CDK6: variants seen among roughly 807,000 people sequenced by gnomAD.
The protein encoded by CDK6 is cyclin dependent kinase 6.
CDK6 carries 6 observed loss-of-function variants against 37.1 expected under a neutral mutation model. That is an observed-to-expected ratio of 0.16 (90% CI 0.09 to 0.32). CDK6 has a LOEUF of 0.32. CDK6 is among the 10% of genes least tolerant of loss of function. The pLI, the probability that CDK6 is intolerant of heterozygous loss-of-function variation, is 1.00. For missense variants in CDK6, 224 were observed against 418.9 expected, an observed-to-expected ratio of 0.53 and a Z score of 4.06; for synonymous variants, 160 against 161.3, an observed-to-expected ratio of 0.99 and a Z score of 0.06.
At chr7:92,677,493 C>T (rs954653068) in intron 4 of CDK6, among the ~76,000 whole-genome samples, 3 of 152,086 alleles carry the variant, frequency 2.0e-5, no homozygotes, top group East Asian at 1.9e-4. Context: ...GTGGCACACG[C>T]CTGTAATCCC....
chr7:92,751,302 G>A (rs186934090), intron 3 of CDK6, among the ~76,000 whole-genome samples: 2 of 152,046 alleles, frequency 1.3e-5, no homozygotes, highest in African/African-American at 2.4e-5. Context: ...GATTATTGCT[G>A]ATATTTTAAG....
At chr7:92,680,435 GAAAA>G (rs778849907) in intron 4 of CDK6, among the ~76,000 whole-genome samples, 98 of 27,898 alleles carry the variant, frequency 3.5e-3, no homozygotes, top group African/African-American at 0.011. Flanking sequence ...TTCCATCTCA[GAAAA>G]AAAAAAAAAA....
chr7:92,738,044 C>G (rs541070550), intron 3 of CDK6, among the ~76,000 whole-genome samples: 25 of 152,250 alleles, frequency 1.6e-4, no homozygotes, highest in Admixed American at 1.3e-3. Context: ...GGTGGGACTT[C>G]AACATTTTTT....
At chr7:92,814,524 C>G (rs1035176195) in intron 2 of CDK6, among the ~76,000 whole-genome samples, 12 of 142,578 alleles carry the variant, frequency 8.4e-5, no homozygotes, top group African/African-American at 3.2e-4. Context: ...TGCAGCCCTT[C>G]TGCTCCCAAC....
rs1562962888 is a variant in CDK6, at chr7:92,778,941, ATATAT to A, written c.234-4115_234-4111del. Among the ~76,000 whole-genome samples the A allele has an allele frequency of 1.2e-4, 18 of 144,402 alleles. 1 individual carries two copies. Among genetic ancestry groups the A allele is most frequent in the African/African-American group, 4.2e-4 (16 of 38,220 alleles). 94.7% of individuals were successfully genotyped at this position (144,402 alleles called of 152,430 possible). On this transcript the variant is annotated intron_variant, in intron 2 of 7. Coordinates refer to ENST00000424848, the MANE Select transcript of CDK6 (RefSeq NM_001145306.2). ...TAGTTTATCATATATATATATATAT[ATATAT>A]AAGATATTATAGTAATTTCCAAAAG...
intron 4 of CDK6, among the ~76,000 whole-genome samples, chr7:92,719,186 A>G (rs145230141): frequency 2.0e-3 from 303 of 152,310 alleles, no homozygotes; most frequent in African/African-American, 6.9e-3. Flanking sequence ...GGTTTGTTAC[A>G]TAGGTAAACG....
chr7:92,690,431 G>A (rs1219030891), intron 4 of CDK6, among the ~76,000 whole-genome samples: 1 of 152,046 alleles, frequency 6.6e-6, no homozygotes, highest in African/African-American at 2.4e-5. Flanking sequence ...ACAGTTGTAG[G>A]TGTGCGGTTT....
chr7:92,712,705 A>T (rs899418061), intron 4 of CDK6, among the ~76,000 whole-genome samples: 7 of 152,228 alleles, frequency 4.6e-5, no homozygotes. Flanking sequence ...CTTTAAATGG[A>T]CTATTCAATC....
chr7:92,767,849 T>C (rs1200572729), intron 3 of CDK6, among the ~76,000 whole-genome samples: 3 of 152,162 alleles, frequency 2.0e-5, no homozygotes, highest in African/African-American at 7.2e-5. Flanking sequence ...TAAAAGCTCG[T>C]CTTCCACAGA....
intron 3 of CDK6, among the ~76,000 whole-genome samples, chr7:92,747,460 C>A (rs982716702): frequency 6.6e-5 from 10 of 152,180 alleles, no homozygotes; most frequent in Non-Finnish European, 1.2e-4. Flanking sequence ...ATCAAGTCCA[C>A]TTCTCTCCTG....
chr7:92,697,749 G>A (rs954762348), intron 4 of CDK6, among the ~76,000 whole-genome samples: 4 of 152,222 alleles, frequency 2.6e-5, no homozygotes, highest in Non-Finnish European at 5.9e-5. Context: ...GCTGTGTTCA[G>A]TTGGAGATTT....
intron 3 of CDK6, among the ~76,000 whole-genome samples, chr7:92,750,301 G>A (rs1037902768): frequency 1.3e-4 from 20 of 152,048 alleles, no homozygotes; most frequent in African/African-American, 4.6e-4. Flanking sequence ...CATAAAGTGG[G>A]GAGAGGCTGG....
chr7:92,803,532 C>T (rs1306956861), intron 2 of CDK6, among the ~76,000 whole-genome samples: 1 of 152,112 alleles, frequency 6.6e-6, no homozygotes, highest in Non-Finnish European at 1.5e-5. Context: ...AAGCAGGCTC[C>T]GTTTGAGAGC....
At chr7:92,700,910 G>A (rs1419170982) in intron 4 of CDK6, among the ~76,000 whole-genome samples, 1 of 152,250 alleles carries the variant, frequency 6.6e-6, no homozygotes, top group African/African-American at 2.4e-5. Context: ...ATCCACTGCG[G>A]TAACATGATG....
At chr7:92,656,551 A>G (rs1211551292) in intron 5 of CDK6, among the ~76,000 whole-genome samples, 3 of 152,240 alleles carry the variant, frequency 2.0e-5, no homozygotes, top group Admixed American at 6.5e-5. Flanking sequence ...GTTATTTACT[A>G]TATTTATTAT....
chr7:92,819,856 C>T (rs1164862036), intron 2 of CDK6, among the ~76,000 whole-genome samples: 5 of 151,096 alleles, frequency 3.3e-5, no homozygotes, highest in African/African-American at 1.2e-4. Context: ...AAAGCAAAAA[C>T]CAGAGAAAAG....
At chr7:92,723,910 C>CAA (rs576591781) in intron 4 of CDK6, among the ~76,000 whole-genome samples, 6,887 of 83,662 alleles carry the variant, frequency 0.082, 517 homozygotes, top group African/African-American at 0.22. Flanking sequence ...ATTTAATAAG[C>CAA]AAAAAAAAAA....
At chr7:92,719,540 AG>A (rs1798316416) in intron 4 of CDK6, among the ~76,000 whole-genome samples, 1 of 152,212 alleles carries the variant, frequency 6.6e-6, no homozygotes, top group Non-Finnish European at 1.5e-5. Flanking sequence ...AGATTCTTGG[AG>A]AAAGAGAATA....
intron 5 of CDK6, among the ~76,000 whole-genome samples, chr7:92,657,842 G>GTAGC (rs1796731074): frequency 6.6e-6 from 1 of 152,188 alleles, no homozygotes; most frequent in Middle Eastern, 3.2e-3. Context: ...CAGCCTCTGA[G>GTAGC]TAGCTGGGAG....
Sources: gnomAD v4.1 joint callset for allele counts (sites outside exome capture counted in the v4.1 genomes callset) on GRCh38, gnomAD v4.1.1 for gene constraint, MANE v1.5 for transcripts, NCBI Gene and HGNC (gene_info 2026-07-23, HGNC 2026-07-21) for gene names.